Variants in OR6C4 observed in about 807,000 individuals in gnomAD.
The protein encoded by OR6C4 is olfactory receptor family 6 subfamily C member 4, also known as olfactory receptor 6C4.
Under a neutral mutation model 15.1 loss-of-function variants are expected in OR6C4, and 20 were observed. The ratio of observed to expected loss-of-function variants is 1.32; its 90% CI spans 0.93 to 1.92. The LOEUF is 1.92. OR6C4 is among the 30% of genes most tolerant of loss of function. The pLI is 0.00. For synonymous variants in OR6C4, 179 were observed against 134.2 expected (o/e 1.33, Z -2.31); for missense variants, 491 against 363.2 (o/e 1.35, Z -2.86).
rs980206646 is a variant in OR6C4 at position 55,552,855 on chromosome 12, G to A, written c.*699G>A. The A allele has an allele frequency of 1.3e-5, 2 of 152,044 alleles. No individual in the cohort carries two copies. The highest frequency in any genetic ancestry group is 4.8e-5 in the African/African-American group (2 of 41,412). The allele number at this position is 152,044 out of a possible 1,614,324, so 9.4% of individuals were successfully genotyped here. On this transcript the variant is annotated 3_prime_UTR_variant, in exon 2 of 2. Transcript: ENST00000641569. ...GGTTAAAACAGGTTTCTAGAGACAA[G>A]TTTAGAAGGCTTTCATTCTCCTAGA...
rs199509502 is a variant in OR6C4, at chr12:55,551,623, A to G, written c.397A>G (p.Ile133Val). 4.3e-6 allele frequency: 7 copies of G among 1,613,944 alleles called. No individual in the cohort carries two copies. The East Asian group carries it at 1.3e-4, about 31-fold the overall frequency. Reference protein sequence around the residue: ...AICKPLHYLTIMSSRVCIQLV... With the variant: ...AICKPLHYLTVMSSRVCIQLV... ...CTGCAAACCCTTGCATTACCTGACT[A>G]TTATGAGCAGCAGAGTCTGCATACA... Residue 133 changes from isoleucine (I) to valine (V), a missense_variant, in exon 2 of 2, where the codon ATT becomes GTT. By Grantham distance (29) the Ile-to-Val change is conservative. Coordinates refer to ENST00000641569, the MANE Select transcript of OR6C4 (RefSeq NM_001005494.2).
rs372064619 is a variant in OR6C4, at chr12:55,551,342, G to A, written c.116G>A (p.Gly39Glu). Residue 39 changes from glycine to glutamate, a missense_variant, in exon 2 of 2, where the codon GGA becomes GAA. Coordinates refer to ENST00000641569, the MANE Select transcript of OR6C4 (RefSeq NM_001005494.2). ...CTCACCTACATGCTAAGTATCCTAGGAAATCTGACTATTATCACCCTCACC... is the reference window on the plus strand; with the variant it reads ...CTCACCTACATGCTAAGTATCCTAGAAAATCTGACTATTATCACCCTCACC... ...LFLTYMLSIL[G>E]NLTIITLTLL... The A allele has an allele frequency of 8.7e-6, 14 of 1,613,498 alleles. No individual in the cohort carries two copies. Among genetic ancestry groups the A allele is most frequent in the South Asian group, 1.1e-5 (1 of 91,040 alleles).
chr12:55,555,573 T>G lies in OR6C4; in HGVS notation c.*3417T>G, dbSNP rs1051612872. On this transcript the variant is annotated 3_prime_UTR_variant, in exon 2 of 2. Transcript: ENST00000641569. ...AGGGTGGATCACTTGAGTTCAGGAG[T>G]TCGAGACCAGCCTGGCCAACATGGT... 1 of 152,018 alleles carries G rather than the reference T, an allele frequency of 6.6e-6. No individual in the cohort carries two copies. Among genetic ancestry groups the G allele is most frequent in the Non-Finnish European group, 1.5e-5 (1 of 68,016 alleles). The allele number at this position is 152,018 out of a possible 1,614,324, so 9.4% of individuals were successfully genotyped here. A position where few individuals can be genotyped will look rare whatever the true frequency, so the allele number is the denominator to read the frequency against.
chr12:55,554,606 A>C lies in OR6C4; in HGVS notation c.*2450A>C, dbSNP rs1873967723. 6.6e-6 allele frequency: 1 copy of C among 152,192 alleles called. No individual in the cohort carries two copies. The highest frequency in any genetic ancestry group is 2.4e-5 in the African/African-American group (1 of 41,448). 9.4% of individuals were successfully genotyped at this position (152,192 alleles called of 1,614,324 possible). ...TGAGTTTGATTCCTCATGTCACCAA[A>C]GTGGACAAGAATTAAAAGAAACAGC... On this transcript the variant is annotated 3_prime_UTR_variant, in exon 2 of 2. Transcript: ENST00000641569.
rs1469863110 is a variant in OR6C4 at position 55,554,077 on chromosome 12, T to C, written c.*1921T>C. The C allele has an allele frequency of 6.6e-6, 1 of 152,156 alleles. No individual in the cohort carries two copies. The highest frequency in any genetic ancestry group is 1.5e-5 in the Non-Finnish European group (1 of 68,020). 9.4% of individuals were successfully genotyped at this position (152,156 alleles called of 1,614,324 possible). ...CAGGGACAGTAAAAATGTTGGCCAT[T>C]GTACTTGAAATCCATCTGCACAAGG... On this transcript the variant is annotated 3_prime_UTR_variant, in exon 2 of 2. Coordinates refer to ENST00000641569, the MANE Select transcript of OR6C4 (RefSeq NM_001005494.2).
intron 1 of OR6C4, among the ~76,000 whole-genome samples, chr12:55,550,489 C>T (rs1222884831): frequency 2.0e-5 from 3 of 152,166 alleles, no homozygotes; most frequent in Admixed American, 2.0e-4. Context: ...AAAATCCATT[C>T]CGTGATGCTG....
Position 55,552,092 on chromosome 12 carries a change from C to G in OR6C4, c.866C>G (p.Thr289Ser), listed in dbSNP as rs142792104. The change falls in exon 2 of 2, where the codon ACT (threonine) becomes AGT (serine). Residue 289 changes from threonine to serine, a missense_variant. By Grantham distance (58) the Thr-to-Ser change is moderately conservative (BLOSUM62 1). Transcript: ENST00000641569. ...CCCTTACTGAATCCCTTCATATATACTTTAAGAAATCAGCAAGTGAAACAA... is the reference window on the plus strand; with the variant it reads ...CCCTTACTGAATCCCTTCATATATAGTTTAAGAAATCAGCAAGTGAAACAA... ...VTPLLNPFIY[T>S]LRNQQVKQAF... 1.4e-4 allele frequency: 227 copies of G among 1,609,222 alleles called. 3 individuals carry two copies. The Middle Eastern group carries it at 4.5e-3, about 32-fold the overall frequency.
Position 55,551,251 on chromosome 12 carries a change from G to A in OR6C4, c.25G>A (p.Glu9Lys). ...AATGAAAAACAGAACCATGTTTGGT[G>A]AGTTTATTCTACTGGGCCTTACAAA... The part of the protein sequence containing the change: MKNRTMFG[E>K]FILLGLTNQP... The change falls in exon 2 of 2, where the codon GAG (glutamate) becomes AAG (lysine). Residue 9 changes from glutamate (E) to lysine (K), a missense_variant. Transcript: ENST00000641569. 2 of 1,610,704 alleles carry A rather than the reference G, an allele frequency of 1.2e-6. No individual in the cohort carries two copies. Among genetic ancestry groups the A allele is most frequent in the Non-Finnish European group, 1.7e-6 (2 of 1,178,932 alleles).
rs1383286982 is a variant in OR6C4, at chr12:55,552,935, T to C, written c.*779T>C. On this transcript the variant is annotated 3_prime_UTR_variant, in exon 2 of 2. Transcript: ENST00000641569. ...CATTTTAAGTTAATGGCATGAGATC[T>C]GTTTTCTCTCTCTTTGATAGTTTCT... 6.6e-6 allele frequency: 1 copy of C among 152,148 alleles called. No individual in the cohort carries two copies. The highest frequency in any genetic ancestry group is 1.5e-5 in the Non-Finnish European group (1 of 67,986). 9.4% of individuals were successfully genotyped at this position (152,148 alleles called of 1,614,324 possible). A position where few individuals can be genotyped will look rare whatever the true frequency, so the allele number is the denominator to read the frequency against.
chr12:55,554,426 A>T lies in OR6C4; in HGVS notation c.*2270A>T, dbSNP rs1873962251. On this transcript the variant is annotated 3_prime_UTR_variant, in exon 2 of 2. Transcript: ENST00000641569. ...TAAATGAGCTTGTCAAAAAAAAAAAAGCAAGTCATATTCTTCTAAAGCTGT... is the reference window on the plus strand; with the variant it reads ...TAAATGAGCTTGTCAAAAAAAAAAATGCAAGTCATATTCTTCTAAAGCTGT... The T allele has an allele frequency of 6.6e-6, 1 of 151,566 alleles. No individual in the cohort carries two copies. Among genetic ancestry groups the T allele is most frequent in the Non-Finnish European group, 1.5e-5 (1 of 67,948 alleles). 9.4% of individuals were successfully genotyped at this position (151,566 alleles called of 1,614,324 possible). A position where few individuals can be genotyped will look rare whatever the true frequency, so the allele number is the denominator to read the frequency against.
At position 55,553,689 on chromosome 12, in the gene OR6C4, G is replaced by A. The variant is rs1461189436; in HGVS notation, c.*1533G>A. 2 of 152,066 alleles carry A rather than the reference G, an allele frequency of 1.3e-5. No individual in the cohort carries two copies. Among genetic ancestry groups the A allele is most frequent in the South Asian group, 4.2e-4 (2 of 4,818 alleles). The allele number at this position is 152,066 out of a possible 1,614,324, so 9.4% of individuals were successfully genotyped here. A position where few individuals can be genotyped will look rare whatever the true frequency, so the allele number is the denominator to read the frequency against. On this transcript the variant is annotated 3_prime_UTR_variant, in exon 2 of 2. Coordinates refer to ENST00000641569, the MANE Select transcript of OR6C4 (RefSeq NM_001005494.2). ...TGAATAGCCACATCTAAATCATTAAGTTCCCCTACACCCACATTTCTACTA... is the reference window on the plus strand; with the variant it reads ...TGAATAGCCACATCTAAATCATTAAATTCCCCTACACCCACATTTCTACTA...
chr12:55,551,550 C>T lies in OR6C4; in HGVS notation c.324C>T (p.Thr108=), dbSNP rs1473243017. 1.9e-6 allele frequency: 3 copies of T among 1,613,860 alleles called. No homozygotes were observed. Among genetic ancestry groups the T allele is most frequent in the East Asian group, 2.2e-5 (1 of 44,880 alleles). ...QYFFAIFLGA[T]EFYLLASMSY... is the part of the protein sequence containing the mutation. Reference sequence around the variant, plus strand: ...TTTTTGCTATATTTCTTGGAGCTACCGAGTTTTACCTCCTGGCCTCCATGT... The same window carrying T: ...TTTTTGCTATATTTCTTGGAGCTACTGAGTTTTACCTCCTGGCCTCCATGT... Residue 108 remains threonine (T), a synonymous_variant, in exon 2 of 2, where the codon ACC becomes ACT. Coordinates refer to ENST00000641569, the MANE Select transcript of OR6C4 (RefSeq NM_001005494.2).
In OR6C4 at chr12:55,552,691, T is replaced by A. The variant is rs1228572699; in HGVS notation, c.*535T>A. 1 of 152,160 alleles carries A rather than the reference T, an allele frequency of 6.6e-6. No individual in the cohort carries two copies. The highest frequency in any genetic ancestry group is 2.4e-5 in the African/African-American group (1 of 41,450). The allele number at this position is 152,160 out of a possible 1,614,324, so 9.4% of individuals were successfully genotyped here. A position where few individuals can be genotyped will look rare whatever the true frequency, so the allele number is the denominator to read the frequency against. ...TTCTTCTCCTCCATTTTTTCATCTA[T>A]ATTTCAAATGTAACCATTGCAACTT... On this transcript the variant is annotated 3_prime_UTR_variant, in exon 2 of 2. Transcript: ENST00000641569.
rs767343736 is a variant in OR6C4, at chr12:55,551,429, A to C, written c.203A>C (p.Glu68Ala). Residue 68 changes from glutamate to alanine, a missense_variant, in exon 2 of 2, where the codon GAA becomes GCA. Coordinates refer to ENST00000641569, the MANE Select transcript of OR6C4 (RefSeq NM_001005494.2). ...YFFLRNFSFL[E>A]ISFTSIFIPR... Reference sequence around the variant, plus strand: ...TTCCTCCGGAATTTCTCCTTCTTAGAAATTTCCTTCACATCCATTTTTATT... The same window carrying C: ...TTCCTCCGGAATTTCTCCTTCTTAGCAATTTCCTTCACATCCATTTTTATT... The C allele has an allele frequency of 6.2e-7, 1 of 1,613,910 alleles. No individual in the cohort carries two copies. The highest frequency in any genetic ancestry group is 2.2e-5 in the East Asian group (1 of 44,872).
intron 1 of OR6C4, 84 bp from the exon 2 acceptor site, chr12:55,551,125 C>G (rs111612333): frequency 1.1e-6 from 1 of 874,066 alleles, no homozygotes; most frequent in Admixed American, 2.4e-5. Flanking sequence ...AATGTATGAC[C>G]TGATTCTGTT....
Position 55,553,594 on chromosome 12 carries a change from C to T in OR6C4, c.*1438C>T, listed in dbSNP as rs1873935630. On this transcript the variant is annotated 3_prime_UTR_variant, in exon 2 of 2. Transcript: ENST00000641569. Reference sequence around the variant, plus strand: ...CTGAGTATCTTGTTTTCTTTGGTTGCTAGCTAGAGATTAGTGATAATATTC... The same window carrying T: ...CTGAGTATCTTGTTTTCTTTGGTTGTTAGCTAGAGATTAGTGATAATATTC... 6.6e-6 allele frequency: 1 copy of T among 152,084 alleles called. No individual in the cohort carries two copies. Among genetic ancestry groups the T allele is most frequent in the African/African-American group, 2.4e-5 (1 of 41,426 alleles). The allele number at this position is 152,084 out of a possible 1,614,324, so 9.4% of individuals were successfully genotyped here.
chr12:55,550,562 C>A (rs551386617), intron 1 of OR6C4, among the ~76,000 whole-genome samples: 8 of 152,222 alleles, frequency 5.3e-5, no homozygotes, highest in African/African-American at 1.9e-4. Context: ...CTGGAAGACT[C>A]TGAATGTGGC....
Position 55,551,579 on chromosome 12 carries a change from A to T in OR6C4, c.353A>T (p.Tyr118Phe), listed in dbSNP as rs747952487. The change falls in exon 2 of 2, where the codon TAT (tyrosine) becomes TTT (phenylalanine). Residue 118 changes from tyrosine to phenylalanine, a missense_variant. Coordinates refer to ENST00000641569, the MANE Select transcript of OR6C4 (RefSeq NM_001005494.2). The part of the protein sequence containing the change: ...TEFYLLASMS[Y>F]DRYVAICKPL... ...TTTTACCTCCTGGCCTCCATGTCTTATGATCGTTATGTGGCCATCTGCAAA... is the reference window on the plus strand; with the variant it reads ...TTTTACCTCCTGGCCTCCATGTCTTTTGATCGTTATGTGGCCATCTGCAAA... The T allele has an allele frequency of 1.5e-5, 24 of 1,613,818 alleles. No homozygotes were observed. Among genetic ancestry groups the T allele is most frequent in the Non-Finnish European group, 2.0e-5 (24 of 1,179,896 alleles).
At position 55,551,415 on chromosome 12, in the gene OR6C4, T is replaced by A; in HGVS notation, c.189T>A (p.Asn63Lys). The stretch of plus-strand genomic sequence containing the variant: ...CCCCCATGTATTTCTTCCTCCGGAA[T>A]TTCTCCTTCTTAGAAATTTCCTTCA... ...LQTPMYFFLRNFSFLEISFTS... is the reference protein window; with the variant it reads ...LQTPMYFFLRKFSFLEISFTS... Residue 63 changes from asparagine to lysine, a missense_variant, in exon 2 of 2, where the codon AAT becomes AAA. Transcript: ENST00000641569. 6.2e-7 allele frequency: 1 copy of A among 1,613,950 alleles called. No homozygotes were observed. Among genetic ancestry groups the A allele is most frequent in the Non-Finnish European group, 8.5e-7 (1 of 1,179,924 alleles).
Sources: gnomAD v4.1 joint callset for allele counts (sites outside exome capture counted in the v4.1 genomes callset) on GRCh38, gnomAD v4.1.1 for gene constraint, MANE v1.5 for transcripts, NCBI Gene and HGNC (gene_info 2026-07-23, HGNC 2026-07-21) for gene names.